Variants in MYO1C observed in about 807,000 individuals in gnomAD.
MYO1C encodes unconventional myosin-Ic.
MYO1C carries 104 observed loss-of-function variants against 150.8 expected under a neutral mutation model. That is an observed-to-expected ratio of 0.69 (90% CI 0.59 to 0.81). MYO1C has a LOEUF of 0.81. Ranked by LOEUF, MYO1C falls within the 30% of genes least tolerant of loss-of-function variation. MYO1C has a pLI of 0.00. For missense variants in MYO1C, 1,504 were observed against 1,435.0 expected, an observed-to-expected ratio of 1.05 and a Z score of -0.78; for synonymous variants, 663 against 579.9, an observed-to-expected ratio of 1.14 and a Z score of -2.06.
chr17:1,472,373 T>C, intron 17 of MYO1C, 145 bp from the exon 18 acceptor site: 1 of 703,020 alleles, frequency 1.4e-6, no homozygotes, highest in South Asian at 1.7e-5. Context: ...CACAGCTTCC[T>C]CGCAGCAGAG....
chr17:1,474,111 T>C (rs897073405), intron 17 of MYO1C, among the ~76,000 whole-genome samples: 3 of 151,124 alleles, frequency 2.0e-5, no homozygotes, highest in African/African-American at 7.3e-5. Flanking sequence ...GACTCCACTA[T>C]AGACACAGCA....
chr17:1,480,954 C>T, intron 5 of MYO1C, 69 bp from the exon 6 acceptor site: 1 of 1,551,950 alleles, frequency 6.4e-7, no homozygotes, highest in East Asian at 2.3e-5. Flanking sequence ...CCCCTCTTCT[C>T]CCCTGCACTC....
chr17:1,481,655 C>T (rs999221881), intron 5 of MYO1C, among the ~76,000 whole-genome samples: 5 of 151,962 alleles, frequency 3.3e-5, no homozygotes, highest in South Asian at 2.1e-4. Context: ...CACACACCAC[C>T]GTGCCTGGCT....
intron 19 of MYO1C, among the ~76,000 whole-genome samples, chr17:1,471,657 C>T (rs1054763444): frequency 6.6e-6 from 1 of 152,204 alleles, no homozygotes; most frequent in East Asian, 1.9e-4. Context: ...TGGTGCCCGG[C>T]ACGTGGACGG....
At position 1,464,790 on chromosome 17, in the gene MYO1C, A is replaced by G; in HGVS notation, c.*936T>C. On this transcript the variant is annotated 3_prime_UTR_variant, in exon 32 of 32. Transcript: ENST00000648651. ...CACTCCAGCACTGCCTCAAACTGGG[A>G]TGATGAGGACAGTAAAAGGGCGTTC... is the stretch of plus-strand genomic sequence containing the variant. 1 of 150,848 alleles carries G rather than the reference A, an allele frequency of 6.6e-6. No individual in the cohort carries two copies. The highest frequency in any genetic ancestry group is 1.5e-5 in the Non-Finnish European group (1 of 68,058). 9.3% of individuals were successfully genotyped at this position (150,848 alleles called of 1,614,324 possible). A position where few individuals can be genotyped will look rare whatever the true frequency, so the allele number is the denominator to read the frequency against.
chr17:1,467,270 G>C lies in MYO1C; in HGVS notation c.3137C>G (p.Thr1046Ser), dbSNP rs775807607. Residue 1046 changes from threonine (T) to serine (S), a missense_variant, in exon 31 of 32, where the codon ACC (threonine) becomes AGC (serine). By Grantham distance (58) the Thr-to-Ser change is moderately conservative. Transcript: ENST00000648651. ...AGCCAGGTGCCCGTTCTTGGCCTTG[G>C]TGATGAGCAGCTCCGAGCCGGGTGT... The part of the protein sequence containing the change: ...DFTPGSELLI[T>S]KAKNGHLAVV... The C allele has an allele frequency of 1.2e-6, 2 of 1,613,446 alleles. No homozygotes were observed. The highest frequency in any genetic ancestry group is 4.5e-5 in the East Asian group (2 of 44,878).
chr17:1,482,667 T>G (rs1451749511), intron 4 of MYO1C, 109 bp from the exon 5 acceptor site: 2 of 659,162 alleles, frequency 3.0e-6, no homozygotes, highest in East Asian at 1.4e-4. Context: ...CTTCTCTCCC[T>G]GCCCCTCCCC....
intron 31 of MYO1C, among the ~76,000 whole-genome samples, chr17:1,466,153 C>CTTTTTTT (rs71148490): frequency 1.9e-4 from 17 of 91,608 alleles, no homozygotes; most frequent in Non-Finnish European, 3.1e-4. Flanking sequence ...GCCGTGCTGC[C>CTTTTTTT]TTTTTTTTTT....
intron 19 of MYO1C, 31 bp from the exon 20 acceptor site, chr17:1,471,367 C>G (rs574729943): frequency 6.3e-7 from 1 of 1,595,474 alleles, no homozygotes; most frequent in East Asian, 2.2e-5. Flanking sequence ...GGCTCCCACC[C>G]CAGTCAGCAG....
Position 1,471,935 on chromosome 17 carries a change from G to A in MYO1C, c.1993C>T (p.Arg665Cys), listed in dbSNP as rs770632413. The part of the protein sequence containing the change: ...LRVRRAGFAY[R>C]RKYEAFLQRY... ...TGCAGGAAAGCTTCGTATTTGCGGCGATAGGCAAAGCCGGCTCTGCGCACG... is the reference window on the plus strand; with the variant it reads ...TGCAGGAAAGCTTCGTATTTGCGGCAATAGGCAAAGCCGGCTCTGCGCACG... The change falls in exon 19 of 32, where the codon CGC (arginine) becomes TGC (cysteine). Residue 665 changes from arginine to cysteine, a missense_variant. Physicochemically the swap from Arg to Cys is radical, Grantham distance 180 (BLOSUM62 -3). Coordinates refer to ENST00000648651, the MANE Select transcript of MYO1C (RefSeq NM_001080779.2). 2 of 1,614,132 alleles carry A rather than the reference G, an allele frequency of 1.2e-6. No individual in the cohort carries two copies. Among genetic ancestry groups the A allele is most frequent in the Non-Finnish European group, 8.5e-7 (1 of 1,180,020 alleles).
chr17:1,488,164 TC>T (rs752378173), intron 1 of MYO1C, among the ~76,000 whole-genome samples: 10 of 151,924 alleles, frequency 6.6e-5, no homozygotes, highest in Middle Eastern at 3.4e-3. Context: ...GCCCCGCCCC[TC>T]CACGTCACGC....
In MYO1C at chr17:1,478,034, C is replaced by T. The variant is rs984957160; in HGVS notation, c.1401+53G>A. 27 of 1,612,460 alleles carry T rather than the reference C, an allele frequency of 1.7e-5. No individual in the cohort carries two copies. Among genetic ancestry groups the T allele is most frequent in the South Asian group, 1.3e-4 (12 of 91,058 alleles). The stretch of plus-strand genomic sequence containing the variant: ...TCCTGGCACCCTCTCCCAGGGGCCC[C>T]GATACCCAGGCTCCCCGTGGCCCAC... On this transcript the variant is annotated intron_variant, in intron 12 of 31. Transcript: ENST00000648651. The surrounding 1 kb of genome is among the most constrained non-coding windows in gnomAD (Gnocchi z 6.3).
In MYO1C at chr17:1,467,927, A is replaced by C; in HGVS notation, c.2897-17T>G. ...CAGAGATTCCTGAGGGGAGAGGGCA[A>C]AGGTCAGAGGTCGAGGGTCAGAGCA... On this transcript the variant is annotated splice_polypyrimidine_tract_variant and intron_variant, in intron 28 of 31. Transcript: ENST00000648651. The C allele has an allele frequency of 2.5e-6, 4 of 1,612,348 alleles. No homozygotes were observed. The highest frequency in any genetic ancestry group is 3.4e-6 in the Non-Finnish European group (4 of 1,179,674).
intron 21 of MYO1C, 116 bp downstream of exon 21, chr17:1,470,955 G>A (rs1038581665): frequency 1.7e-5 from 20 of 1,189,982 alleles, no homozygotes; most frequent in Middle Eastern, 2.6e-4. Flanking sequence ...GGAGCTGGGC[G>A]TGGGGCTGGA....
chr17:1,468,939 GA>G (rs2150932282), intron 25 of MYO1C: 1 of 299,620 alleles, frequency 3.3e-6, no homozygotes, highest in Admixed American at 4.7e-5. Flanking sequence ...CCCGAGTGAA[GA>G]CGCAGACTTT....
rs2074436169 is a variant in MYO1C, at chr17:1,478,039, C to G, written c.1401+48G>C. On this transcript the variant is annotated intron_variant, in intron 12 of 31. Transcript: ENST00000648651. This position sits in a 1 kb window ranked among gnomAD's most constrained non-coding sequence, Gnocchi z 6.3. Reference sequence around the variant, plus strand: ...GCACCCTCTCCCAGGGGCCCCGATACCCAGGCTCCCCGTGGCCCACGGAGA... The same window carrying G: ...GCACCCTCTCCCAGGGGCCCCGATAGCCAGGCTCCCCGTGGCCCACGGAGA... 3 of 1,611,850 alleles carry G rather than the reference C, an allele frequency of 1.9e-6. No homozygotes were observed. The East Asian group carries it at 6.7e-5, about 36-fold the overall frequency.
At chr17:1,491,614 C>T in intron 1 of MYO1C, 5 of 980,824 alleles carry the variant, frequency 5.1e-6, no homozygotes, top group Non-Finnish European at 6.0e-6. Flanking sequence ...GTGGCTCTTC[C>T]GGCGCGGGCG....
rs147339742 is a variant in MYO1C, at chr17:1,482,458, G to A, written c.627+20C>T. 562 of 1,608,038 alleles carry A rather than the reference G, an allele frequency of 3.5e-4. No homozygotes were observed. Among genetic ancestry groups the A allele is most frequent in the Admixed American group, 4.2e-4 (25 of 59,992 alleles). The stretch of plus-strand genomic sequence containing the variant: ...GAGCCTACTGAATGGGAATCCTCAC[G>A]ACACACACATCCATGGTACCTTGAA... On this transcript the variant is annotated intron_variant, in intron 5 of 31. Transcript: ENST00000648651.
chr17:1,470,223 C>G lies in MYO1C; in HGVS notation c.2478G>C (p.Gln826His), dbSNP rs746954374. The G allele has an allele frequency of 6.2e-7, 1 of 1,611,586 alleles. No individual in the cohort carries two copies. Among genetic ancestry groups the G allele is most frequent in the South Asian group, 1.1e-5 (1 of 90,824 alleles). The change falls in exon 24 of 32, where the codon CAG becomes CAC. Residue 826 changes from glutamine to histidine, a missense_variant. Transcript: ENST00000648651. The part of the protein sequence containing the change: ...FLLNLRRQLP[Q>H]NVLDTSWPTP... ...TGGGCCACGAGGTGTCCAGGACATT[C>G]TGGGGCAGCTGCCGCCTCAGGTTTA...
Sources: allele counts gnomAD v4.1 joint callset (sites outside exome capture counted in the v4.1 genomes callset), GRCh38; gene constraint gnomAD v4.1.1; non-coding constraint Gnocchi (gnomAD v3.1); transcripts MANE v1.5; gene names NCBI Gene and HGNC (gene_info 2026-07-23, HGNC 2026-07-21).